Variants in EYS observed in about 807,000 individuals in gnomAD.
EYS encodes the protein EGF-like photoreceptor maintenance factor.
Under a neutral mutation model 282.1 loss-of-function variants are expected in EYS, and 250 were observed. The ratio of observed to expected loss-of-function variants is 0.89; its 90% CI spans 0.80 to 0.98. The LOEUF is 0.98. Among genes scored for constraint, EYS ranks in the 50% least tolerant of loss-of-function variants. The pLI is 0.00. For synonymous variants in EYS, 1,355 were observed against 1,282.9 expected (o/e 1.06, Z -1.20); for missense variants, 4,016 against 3,709.0 (o/e 1.08, Z -2.15).
chr6:64,140,686 C>A (rs549080537), intron 31 of EYS, among the ~76,000 whole-genome samples: 1 of 152,098 alleles, frequency 6.6e-6, no homozygotes, highest in African/African-American at 2.4e-5. Context: ...TCCAGGCAGT[C>A]CTTTCTACAC....
At chr6:65,299,463 C>T (rs995436672) in intron 11 of EYS, among the ~76,000 whole-genome samples, 2 of 152,058 alleles carry the variant, frequency 1.3e-5, no homozygotes, top group African/African-American at 4.8e-5. Context: ...TGTTTGAAAG[C>T]TCATTGGGAT....
In EYS at chr6:65,638,463, G is replaced by T. The variant is rs533772748; in HGVS notation, c.-333+1315C>A. On this transcript the variant is annotated intron_variant, in intron 2 of 42. Coordinates refer to ENST00000503581, the MANE Select transcript of EYS (RefSeq NM_001142800.2). ...GAGAAGAGCTGAAGAGGCCCTTTGG[G>T]GACGCCAGACCTAGGGGCTCCCCGA... 2.0e-5 allele frequency among the ~76,000 whole-genome samples: 3 copies of T among 152,318 alleles called. No individual in the cohort carries two copies. In the East Asian group the frequency reaches 5.8e-4, roughly 29 times the overall value.
At chr6:64,288,396 T>C (rs1458870536) in intron 30 of EYS, among the ~76,000 whole-genome samples, 1 of 152,144 alleles carries the variant, frequency 6.6e-6, no homozygotes, top group East Asian at 1.9e-4. Context: ...GTACCACTCA[T>C]ATATATGAAT....
At chr6:65,180,770 CAA>C in intron 12 of EYS, among the ~76,000 whole-genome samples, 1 of 152,160 alleles carries the variant, frequency 6.6e-6, no homozygotes, top group East Asian at 1.9e-4. Context: ...GCCAAAAGAA[CAA>C]AGCTGGAGGC....
chr6:65,567,804 C>T (rs1247456200), intron 2 of EYS, among the ~76,000 whole-genome samples: 1 of 152,062 alleles, frequency 6.6e-6, no homozygotes, highest in African/African-American at 2.4e-5. Flanking sequence ...CAAATACTGT[C>T]TTTGAATATT....
chr6:64,129,703 T>C (rs561100479), intron 31 of EYS, among the ~76,000 whole-genome samples: 4 of 151,434 alleles, frequency 2.6e-5, no homozygotes, highest in South Asian at 2.1e-4. Context: ...GAAGTCCTTG[T>C]CCATGCCTAT....
At position 64,326,533 on chromosome 6, in the gene EYS, T is replaced by C. The variant is rs1450153212; in HGVS notation, c.6079-19451A>G. Reference sequence around the variant, plus strand: ...GGCTCAGACTTTCTGGACAAATGTCTGGCTGAGCCAGTTATCACCTTAATT... The same window carrying C: ...GGCTCAGACTTTCTGGACAAATGTCCGGCTGAGCCAGTTATCACCTTAATT... On this transcript the variant is annotated intron_variant, in intron 29 of 42. Coordinates refer to ENST00000503581, the MANE Select transcript of EYS (RefSeq NM_001142800.2). Among the ~76,000 whole-genome samples the C allele has an allele frequency of 2.6e-5, 4 of 152,220 alleles. No individual in the cohort carries two copies. The East Asian group carries it at 7.7e-4, about 29-fold the overall frequency.
intron 26 of EYS, among the ~76,000 whole-genome samples, chr6:64,573,918 A>G (rs1257717986): frequency 6.6e-6 from 1 of 151,910 alleles, no homozygotes. Flanking sequence ...CAGCAATTCC[A>G]TTACTGGTTA....
intron 11 of EYS, 120 bp downstream of exon 11, chr6:65,334,860 T>C (rs977987894): frequency 4.6e-6 from 4 of 862,498 alleles, no homozygotes; most frequent in Non-Finnish European, 7.5e-6. Context: ...GTGTTTGTTA[T>C]GGAAATTCCA....
intron 12 of EYS, among the ~76,000 whole-genome samples, chr6:65,214,525 C>A (rs1037532932): frequency 6.6e-6 from 1 of 152,120 alleles, no homozygotes; most frequent in African/African-American, 2.4e-5. Flanking sequence ...AAGGAAAGAA[C>A]CCATCCCCAT....
At chr6:65,224,680 A>G (rs769684463) in intron 12 of EYS, among the ~76,000 whole-genome samples, 15 of 152,144 alleles carry the variant, frequency 9.9e-5, no homozygotes, top group Non-Finnish European at 1.9e-4. Context: ...AGGAGAGAAT[A>G]CTCAAATCAC....
chr6:65,244,575 C>T (rs1423157750), intron 12 of EYS, among the ~76,000 whole-genome samples: 2 of 152,034 alleles, frequency 1.3e-5, no homozygotes, highest in Non-Finnish European at 2.9e-5. Flanking sequence ...TGCAGTGGCG[C>T]GATCTCTGCT....
chr6:64,028,536 T>C (rs146249027), intron 33 of EYS, among the ~76,000 whole-genome samples: 343 of 152,292 alleles, frequency 2.3e-3, no homozygotes, highest in African/African-American at 7.7e-3. Context: ...GGAAGCAGAA[T>C]GGTTCATAGT....
At chr6:64,335,147 G>A (rs1457799784) in intron 29 of EYS, among the ~76,000 whole-genome samples, 1 of 152,010 alleles carries the variant, frequency 6.6e-6, no homozygotes, top group Non-Finnish European at 1.5e-5. Context: ...AGCACAAAGG[G>A]GGGAATAAAG....
intron 30 of EYS, among the ~76,000 whole-genome samples, chr6:64,302,036 G>C (rs1247463725): frequency 1.3e-5 from 2 of 152,178 alleles, no homozygotes; most frequent in African/African-American, 4.8e-5. Flanking sequence ...AGCACACCCT[G>C]TGTGCACTTT....
intron 5 of EYS, among the ~76,000 whole-genome samples, chr6:65,484,728 C>T (rs1388095057): frequency 6.6e-6 from 1 of 152,128 alleles, no homozygotes; most frequent in Non-Finnish European, 1.5e-5. Context: ...AAAATTGAGG[C>T]TACTAGTTTT....
At chr6:64,003,636 G>C (rs2149805965) in intron 33 of EYS, among the ~76,000 whole-genome samples, 1 of 152,192 alleles carries the variant, frequency 6.6e-6, no homozygotes. Context: ...ATTTTTACCT[G>C]AATCATCTTG....
intron 21 of EYS, among the ~76,000 whole-genome samples, chr6:64,815,670 G>GAGTTCACTAAAGTAATTT (rs1337573185): frequency 1.3e-5 from 2 of 151,988 alleles, no homozygotes; most frequent in African/African-American, 2.4e-5. Flanking sequence ...CTTTCCCAAA[G>GAGTTCACTAAAGTAATTT]AGTTCACTAA....
chr6:64,423,079 A>G (rs1051791813), intron 28 of EYS, among the ~76,000 whole-genome samples: 1 of 152,174 alleles, frequency 6.6e-6, no homozygotes, highest in African/African-American at 2.4e-5. Flanking sequence ...ATCACTCAGT[A>G]AGGATTTACT....
Sources: gnomAD v4.1 joint callset for allele counts (sites outside exome capture counted in the v4.1 genomes callset) on GRCh38, gnomAD v4.1.1 for gene constraint, MANE v1.5 for transcripts, NCBI Gene and HGNC (gene_info 2026-07-23, HGNC 2026-07-21) for gene names.